The following PTPRD variants were observed in gnomAD, a reference collection of about 807,000 sequenced individuals.
PTPRD encodes the protein protein tyrosine phosphatase receptor type D.
In PTPRD, 34 loss-of-function variants were observed where a neutral mutation model predicts 214.5. The observed-to-expected ratio is 0.16, with a 90% confidence interval of 0.12 to 0.21. PTPRD has a LOEUF of 0.21. PTPRD is among the 10% of genes least tolerant of loss of function. The pLI is 1.00. For synonymous variants in PTPRD, 1,128 were observed against 845.7 expected (o/e 1.33, Z -5.79); for missense variants, 2,545 against 2,398.7 (o/e 1.06, Z -1.27).
At chr9:9,660,819 A>T (rs1201540746) in intron 7 of PTPRD, among the ~76,000 whole-genome samples, 2 of 151,960 alleles carry the variant, frequency 1.3e-5, no homozygotes, top group Non-Finnish European at 2.9e-5. Context: ...AAATAACCTC[A>T]TAAGTTATTT....
At chr9:9,472,349 G>A (rs867224333) in intron 8 of PTPRD, among the ~76,000 whole-genome samples, 6 of 151,490 alleles carry the variant, frequency 4.0e-5, no homozygotes, top group Non-Finnish European at 8.8e-5. Flanking sequence ...GACTACAGGC[G>A]CCCGCCACCG....
intron 10 of PTPRD, among the ~76,000 whole-genome samples, chr9:9,051,536 T>C (rs1344001651): frequency 6.6e-6 from 1 of 152,222 alleles, no homozygotes; most frequent in Non-Finnish European, 1.5e-5. Context: ...TTCTTCATTT[T>C]TTAACATAGA....
chr9:9,842,047 A>T (rs2058453098), intron 5 of PTPRD, among the ~76,000 whole-genome samples: 1 of 151,890 alleles, frequency 6.6e-6, no homozygotes, highest in African/African-American at 2.4e-5. Flanking sequence ...AAAATTGCTT[A>T]TTTTTTCTGC....
intron 21 of PTPRD, among the ~76,000 whole-genome samples, chr9:8,510,127 A>T (rs2097647602): frequency 6.6e-6 from 1 of 151,898 alleles, no homozygotes; most frequent in Admixed American, 6.6e-5. Flanking sequence ...CTACAAAATA[A>T]TAAAACTTAA....
chr9:9,857,774 A>G (rs1366583759), intron 5 of PTPRD, among the ~76,000 whole-genome samples: 2 of 152,242 alleles, frequency 1.3e-5, no homozygotes, highest in South Asian at 2.1e-4. Context: ...GACCACACAG[A>G]TATTTATTAA....
intron 14 of PTPRD, among the ~76,000 whole-genome samples, chr9:8,608,028 G>T (rs1286421778): frequency 6.6e-6 from 1 of 152,172 alleles, no homozygotes; most frequent in Admixed American, 6.5e-5. Context: ...CAGCTTTTAC[G>T]ACGCACTGCA....
intron 15 of PTPRD, among the ~76,000 whole-genome samples, chr9:8,527,663 G>A (rs1234249520): frequency 6.6e-6 from 1 of 152,038 alleles, no homozygotes; most frequent in Non-Finnish European, 1.5e-5. Flanking sequence ...AAAGTAAACA[G>A]CTTATTATTA....
At chr9:8,501,698 A>G (rs6477312) in intron 23 of PTPRD, among the ~76,000 whole-genome samples, 57,658 of 152,098 alleles carry the variant, frequency 0.38, 11,205 homozygotes, top group African/African-American at 0.47. Flanking sequence ...AACATTGATC[A>G]TAGCCCATAT....
At chr9:10,528,545 A>G (rs2055070941) in intron 2 of PTPRD, among the ~76,000 whole-genome samples, 1 of 152,198 alleles carries the variant, frequency 6.6e-6, no homozygotes, top group Non-Finnish European at 1.5e-5. Flanking sequence ...TATATACAAA[A>G]TATGACATTT....
chr9:10,557,840 T>C (rs2062963128), intron 2 of PTPRD, among the ~76,000 whole-genome samples: 1 of 152,236 alleles, frequency 6.6e-6, no homozygotes, highest in South Asian at 2.1e-4. Flanking sequence ...ACATAGCATA[T>C]ATATTTATGT....
chr9:8,723,172 T>G (rs947598089), intron 12 of PTPRD, among the ~76,000 whole-genome samples: 1 of 152,138 alleles, frequency 6.6e-6, no homozygotes, highest in Non-Finnish European at 1.5e-5. Context: ...TTTTGTCCTT[T>G]GAACACACTA....
At chr9:9,742,540 T>C (rs1227605339) in intron 6 of PTPRD, among the ~76,000 whole-genome samples, 1 of 152,138 alleles carries the variant, frequency 6.6e-6, no homozygotes, top group African/African-American at 2.4e-5. Context: ...CTTTTGAGAA[T>C]GAGGATATGG....
intron 8 of PTPRD, among the ~76,000 whole-genome samples, chr9:9,479,597 T>A (rs566900844): frequency 1.3e-5 from 2 of 152,216 alleles, no homozygotes; most frequent in Admixed American, 6.5e-5. Flanking sequence ...AATTCAAACT[T>A]GCACCAACAC....
At chr9:9,306,619 A>G (rs1293671444) in intron 9 of PTPRD, among the ~76,000 whole-genome samples, 2 of 151,448 alleles carry the variant, frequency 1.3e-5, no homozygotes, top group East Asian at 3.9e-4. Flanking sequence ...CATCAATAAT[A>G]TCCTCTGAAT....
chr9:10,154,349 TA>T (rs2099080653), intron 3 of PTPRD, among the ~76,000 whole-genome samples: 2 of 152,300 alleles, frequency 1.3e-5, no homozygotes, highest in South Asian at 4.1e-4. Flanking sequence ...TTAAGTTCTT[TA>T]TAAATGCTGT....
intron 9 of PTPRD, among the ~76,000 whole-genome samples, chr9:9,393,377 C>G (rs1414488615): frequency 1.3e-5 from 2 of 152,114 alleles, no homozygotes; most frequent in Non-Finnish European, 2.9e-5. Context: ...GAGCTGCATG[C>G]TATGCGAAAA....
chr9:8,719,184 C>T (rs72700398), intron 12 of PTPRD, among the ~76,000 whole-genome samples: 10,566 of 152,146 alleles, frequency 0.069, 1,089 homozygotes, highest in African/African-American at 0.23. Flanking sequence ...GAAAACTATC[C>T]CTCAGCTGAT....
intron 12 of PTPRD, among the ~76,000 whole-genome samples, chr9:8,640,995 C>T (rs1298251721): frequency 6.8e-6 from 1 of 148,122 alleles, no homozygotes; most frequent in Non-Finnish European, 1.5e-5. Context: ...ACTTAATAAC[C>T]CCAACAAATG....
chr9:9,118,360 C>G (rs1181224593), intron 10 of PTPRD, among the ~76,000 whole-genome samples: 2 of 152,140 alleles, frequency 1.3e-5, no homozygotes, highest in African/African-American at 2.4e-5. Context: ...CATTTAGCCC[C>G]ACTTAACTGA....
Sources: gnomAD v4.1 joint callset for allele counts (sites outside exome capture counted in the v4.1 genomes callset) on GRCh38, gnomAD v4.1.1 for gene constraint, MANE v1.5 for transcripts, NCBI Gene and HGNC (gene_info 2026-07-23, HGNC 2026-07-21) for gene names.